ZFHX3: variants seen among roughly 807,000 people sequenced by gnomAD.
ZFHX3 encodes zinc finger homeobox protein 3.
In ZFHX3, 42 loss-of-function variants were observed where a neutral mutation model predicts 279.1. The observed-to-expected ratio is 0.15, with a 90% CI of 0.12 to 0.19. The LOEUF (loss-of-function observed/expected upper bound fraction) is 0.19, where lower values mean the gene tolerates loss of function less well. ZFHX3 is among the 10% of genes least tolerant of loss of function. The pLI is 1.00. For synonymous variants in ZFHX3, 2,293 were observed against 1,957.8 expected (o/e 1.17, Z -4.52); for missense variants, 4,981 against 4,754.0 (o/e 1.05, Z -1.40).
At chr16:73,461,332 A>T (rs1269618544) in intron 2 of ZFHX3, among the ~76,000 whole-genome samples, 1 of 152,188 alleles carries the variant, frequency 6.6e-6, no homozygotes, top group Non-Finnish European at 1.5e-5. Context: ...GGTTTCAGGT[A>T]TCTTCTCCCA....
At chr16:73,363,104 C>T (rs1453975800) in intron 3 of ZFHX3, among the ~76,000 whole-genome samples, 1 of 152,134 alleles carries the variant, frequency 6.6e-6, no homozygotes, top group Non-Finnish European at 1.5e-5. Flanking sequence ...TCCTGGTGGC[C>T]AGGCCACACG....
At chr16:73,776,579 C>T (rs1481082977) in intron 1 of ZFHX3, among the ~76,000 whole-genome samples, 1 of 152,088 alleles carries the variant, frequency 6.6e-6, no homozygotes, top group Non-Finnish European at 1.5e-5. Flanking sequence ...ATGCAATAGA[C>T]AGAAATGAAA....
chr16:72,897,209 T>C (rs2038921433), intron 3 of ZFHX3, among the ~76,000 whole-genome samples: 1 of 152,176 alleles, frequency 6.6e-6, no homozygotes, highest in African/African-American at 2.4e-5. Context: ...AGCACCCCTG[T>C]CCAGGGAAAG....
chr16:72,870,651 G>C (rs533779150), intron 4 of ZFHX3, among the ~76,000 whole-genome samples: 1 of 146,934 alleles, frequency 6.8e-6, no homozygotes, highest in African/African-American at 2.5e-5. Context: ...CCAGGAGGCG[G>C]AGCTTGCAGT....
intron 2 of ZFHX3, among the ~76,000 whole-genome samples, chr16:73,564,955 G>C (rs2020428974): frequency 6.6e-6 from 1 of 152,150 alleles, no homozygotes; most frequent in South Asian, 2.1e-4. Context: ...TTTCTGAGTA[G>C]TAAGAAACAG....
intron 3 of ZFHX3, among the ~76,000 whole-genome samples, chr16:73,424,219 T>C (rs2017769869): frequency 6.6e-6 from 1 of 152,212 alleles, no homozygotes; most frequent in South Asian, 2.1e-4. Context: ...CACTTACTAG[T>C]AGTCTCTCAC....
intron 3 of ZFHX3, among the ~76,000 whole-genome samples, chr16:73,345,629 C>T (rs1276378077): frequency 2.0e-5 from 3 of 152,136 alleles, no homozygotes; most frequent in Non-Finnish European, 4.4e-5. Flanking sequence ...TTTTCTTTAT[C>T]CGCTTTATCA....
At chr16:73,528,717 A>G (rs751408564) in intron 2 of ZFHX3, among the ~76,000 whole-genome samples, 1 of 152,242 alleles carries the variant, frequency 6.6e-6, no homozygotes, top group South Asian at 2.1e-4. Flanking sequence ...TGTGTTGGCC[A>G]TAGCCTCTTG....
chr16:73,058,820 T>G, exon 1 of ZFHX3: 1 of 151,934 alleles, frequency 6.6e-6, no homozygotes, highest in Non-Finnish European at 1.4e-5. Context: ...GCAGCATGGT[T>G]GGCGGGGAGT....
At chr16:73,684,962 G>A (rs1168276990) in intron 1 of ZFHX3, among the ~76,000 whole-genome samples, 2 of 151,686 alleles carry the variant, frequency 1.3e-5, no homozygotes, top group Non-Finnish European at 2.9e-5. Flanking sequence ...GCCTCCCAAA[G>A]TGCTGGGATT....
At chr16:73,877,088 G>C (rs979542508) in intron 1 of ZFHX3, among the ~76,000 whole-genome samples, 1 of 149,066 alleles carries the variant, frequency 6.7e-6, no homozygotes, top group Non-Finnish European at 1.5e-5. Flanking sequence ...TCAGCAGGGT[G>C]AATGTAAAAA....
chr16:73,029,374 C>T lies in ZFHX3; in HGVS notation c.-50+18378G>A, dbSNP rs539431836. ...GAGAAACGCTCCTTGGTCACAGGGT[C>T]CATGCTGCTCCTTCTACTAAAGGGG... On this transcript the variant is annotated intron_variant, in intron 1 of 9. Coordinates refer to ENST00000268489, the MANE Select transcript of ZFHX3 (RefSeq NM_006885.4). 7.2e-5 allele frequency among the ~76,000 whole-genome samples: 11 copies of T among 152,276 alleles called. No individual in the cohort carries two copies. In the South Asian group the frequency reaches 1.2e-3, roughly 17 times the overall value.
chr16:73,849,238 T>C (rs990872597), intron 1 of ZFHX3, among the ~76,000 whole-genome samples: 25 of 152,244 alleles, frequency 1.6e-4, no homozygotes, highest in Admixed American at 1.6e-3. Context: ...ATGTTGCTTT[T>C]TATATGAACT....
rs1425177541 is a variant in ZFHX3, at chr16:72,787,024, CTTTTTCTTT to C, written c.*131_*139del. 5.6e-5 allele frequency: 55 copies of C among 975,868 alleles called. No individual in the cohort carries two copies. The African/African-American group carries it at 5.9e-4, about 10-fold the overall frequency. 60.5% of individuals were successfully genotyped at this position (975,868 alleles called of 1,614,324 possible). ...TAGGTATATGGGAAAACAACCCACGCTTTTTCTTTTTTTTCTTTTTTTTTTTTTTTTTGT... is the reference window on the plus strand; with the variant it reads ...TAGGTATATGGGAAAACAACCCACGCTTTTTCTTTTTTTTTTTTTTTTTGT... On this transcript the variant is annotated 3_prime_UTR_variant, in exon 10 of 10. Coordinates refer to ENST00000268489, the MANE Select transcript of ZFHX3 (RefSeq NM_006885.4).
intron 3 of ZFHX3, among the ~76,000 whole-genome samples, chr16:73,370,210 T>C (rs982220998): frequency 6.6e-6 from 1 of 152,250 alleles, no homozygotes; most frequent in Non-Finnish European, 1.5e-5. Flanking sequence ...GTGATGGCTT[T>C]CATGCCACCT....
chr16:73,552,377 G>C (rs1431776372), intron 2 of ZFHX3, among the ~76,000 whole-genome samples: 1 of 152,098 alleles, frequency 6.6e-6, no homozygotes, highest in East Asian at 1.9e-4. Context: ...TTAGTAATTG[G>C]AAAAATTAGC....
At chr16:72,871,712 T>C (rs974308790) in intron 4 of ZFHX3, among the ~76,000 whole-genome samples, 6 of 150,618 alleles carry the variant, frequency 4.0e-5, no homozygotes, top group Non-Finnish European at 8.9e-5. Context: ...CCTGACCTCA[T>C]GTGATCCGCC....
At chr16:72,843,725 C>T (rs954536340) in intron 4 of ZFHX3, among the ~76,000 whole-genome samples, 1 of 152,116 alleles carries the variant, frequency 6.6e-6, no homozygotes, top group Non-Finnish European at 1.5e-5. Flanking sequence ...TTCCCTCCAT[C>T]AAGGTGGTGA....
intron 2 of ZFHX3, among the ~76,000 whole-genome samples, chr16:73,555,982 C>T (rs954826333): frequency 3.3e-5 from 5 of 152,104 alleles, no homozygotes; most frequent in Admixed American, 6.5e-5. Context: ...GAAAGACAAG[C>T]ATGTCCCTTT....
Sources: allele counts gnomAD v4.1 joint callset (sites outside exome capture counted in the v4.1 genomes callset), GRCh38; gene constraint gnomAD v4.1.1; transcripts MANE v1.5; gene names NCBI Gene and HGNC (gene_info 2026-07-23, HGNC 2026-07-21).